Variants in VWCE observed in about 807,000 individuals in gnomAD.
VWCE encodes the protein von Willebrand factor C and EGF domain-containing protein.
VWCE carries 68 observed loss-of-function variants against 102.9 expected under a neutral mutation model. The observed-to-expected ratio is 0.66, with a 90% CI of 0.54 to 0.81. The LOEUF is 0.81. Ranked by LOEUF, VWCE falls within the 30% of genes least tolerant of loss-of-function variation. VWCE has a pLI of 0.00. For missense variants in VWCE, 1,137 were observed against 1,263.6 expected (o/e 0.90, Z 1.52); for synonymous variants, 497 against 515.4 (o/e 0.96, Z 0.48).
At chr11:61,287,907 G>A (rs959185758) in intron 4 of VWCE, among the ~76,000 whole-genome samples, 3 of 152,048 alleles carry the variant, frequency 2.0e-5, no homozygotes, top group Non-Finnish European at 4.4e-5. Flanking sequence ...TGTAATCCCA[G>A]CACTCTGGGA....
In VWCE at chr11:61,283,275, A is replaced by G. The variant is rs981808627; in HGVS notation, c.542-370T>C. Among the ~76,000 whole-genome samples the G allele has an allele frequency of 6.8e-4, 104 of 152,156 alleles. 1 individual carries two copies. Among genetic ancestry groups the G allele is most frequent in the African/African-American group, 2.3e-3 (96 of 41,436 alleles). On this transcript the variant is annotated intron_variant, in intron 5 of 19. Transcript: ENST00000335613. ...TGCTCAAAACCTCTCCGCTGCTCCC[A>G]CAGGCCACAGACCTCATCTTAGGGT...
intron 9 of VWCE, among the ~76,000 whole-genome samples, chr11:61,279,296 C>T (rs531113896): frequency 6.6e-6 from 1 of 151,988 alleles, no homozygotes; most frequent in Admixed American, 6.5e-5. Flanking sequence ...CAAGCCAGGC[C>T]CAGCGGCTCA....
intron 19 of VWCE, among the ~76,000 whole-genome samples, chr11:61,261,219 C>CA (rs550476012): frequency 0.072 from 8,818 of 121,668 alleles, 845 homozygotes; most frequent in African/African-American, 0.24. Context: ...GACTCCATCT[C>CA]AAAAAAAAAA....
Position 61,276,577 on chromosome 11 carries a change from C to T in VWCE, c.1495+16G>A. 6.6e-7 allele frequency: 1 copy of T among 1,519,954 alleles called. No individual in the cohort carries two copies. Among genetic ancestry groups the T allele is most frequent in the East Asian group, 2.4e-5 (1 of 42,098 alleles). 94.2% of individuals were successfully genotyped at this position (1,519,954 alleles called of 1,614,324 possible). ...AAAAAAAAAAAAAAGCAAAATGCTC[C>T]AAGAGTGTCACTTACCTGGAACACA... On this transcript the variant is annotated intron_variant, in intron 11 of 19. Coordinates refer to ENST00000335613, the MANE Select transcript of VWCE (RefSeq NM_152718.2).
rs1017600783 is a variant in VWCE, at chr11:61,282,486, G to A, written c.658+303C>T. On this transcript the variant is annotated intron_variant, in intron 6 of 19. Coordinates refer to ENST00000335613, the MANE Select transcript of VWCE (RefSeq NM_152718.2). ...TAACGTGCTTTATTTACCAAGGGGA[G>A]CAAAGGCAGCCAAGAAAATGGGTGA... 48 of 315,882 alleles carry A rather than the reference G, an allele frequency of 1.5e-4. 1 individual carries two copies. Among genetic ancestry groups the A allele is most frequent in the African/African-American group, 9.8e-4 (46 of 46,770 alleles). The allele number at this position is 315,882 out of a possible 1,614,324, so 19.6% of individuals were successfully genotyped here.
chr11:61,289,248 A>C (rs1308161656), intron 4 of VWCE, among the ~76,000 whole-genome samples: 2 of 151,766 alleles, frequency 1.3e-5, no homozygotes, highest in South Asian at 2.1e-4. Flanking sequence ...GCTAAAAAAA[A>C]ATTTTTTTTC....
chr11:61,278,565 C>A, intron 9 of VWCE, 89 bp from the exon 10 acceptor site: 1 of 1,237,472 alleles, frequency 8.1e-7, no homozygotes, highest in Non-Finnish European at 1.2e-6. Flanking sequence ...GCTTAATGTA[C>A]CTGGAACATT....
chr11:61,287,780 T>G (rs192323051), intron 4 of VWCE, among the ~76,000 whole-genome samples: 1 of 152,104 alleles, frequency 6.6e-6, no homozygotes, highest in African/African-American at 2.4e-5. Context: ...CTGGGCTCCT[T>G]GCAAACTGTA....
In VWCE at chr11:61,259,065, G is replaced by A. The variant is rs780330587; in HGVS notation, c.2478C>T (p.Leu826=). 2.7e-5 allele frequency: 43 copies of A among 1,613,884 alleles called. No homozygotes were observed. In the South Asian group the frequency reaches 3.7e-4, roughly 14 times the overall value. ...GGAAAGTGGCTGTCAGCCCCAAAGC[G>A]AGTGAGTGTGGACCATGAGCTCCTG... The part of the protein sequence containing the change: ...SPAGAHGPHS[L]ALGLTATFPG... The change falls in exon 20 of 20, where the codon CTC becomes CTT. Residue 826 remains leucine, a synonymous_variant. Transcript: ENST00000335613.
rs1176678430 is a variant in VWCE, at chr11:61,267,493, A to G, written c.1934T>C (p.Val645Ala). The G allele has an allele frequency of 6.2e-7, 1 of 1,614,148 alleles. No homozygotes were observed. The highest frequency in any genetic ancestry group is 1.7e-5 in the Admixed American group (1 of 60,012). Residue 645 changes from valine (V) to alanine (A), a missense_variant, in exon 16 of 20, where the codon GTG (valine) becomes GCG (alanine). Coordinates refer to ENST00000335613, the MANE Select transcript of VWCE (RefSeq NM_152718.2). ...IFYNNETFPS[V>A]LDPCLSCICL... ...GATGCAGCTCAGACATGGGTCCAGC[A>G]CAGACGGGAAGGTCTCGTTGTTATA...
chr11:61,286,384 G>T lies in VWCE; in HGVS notation c.471C>A (p.Asn157Lys), dbSNP rs560961021. The change falls in exon 5 of 20, where the codon AAC (asparagine) becomes AAA (lysine). Residue 157 changes from asparagine (N) to lysine (K), a missense_variant. Asn to Lys is a moderately conservative substitution (Grantham distance 94, BLOSUM62 0). Coordinates refer to ENST00000335613, the MANE Select transcript of VWCE (RefSeq NM_152718.2). ...VTSSCEGHCVNTEGGFVCECG... is the reference protein window; with the variant it reads ...VTSSCEGHCVKTEGGFVCECG... The stretch of plus-strand genomic sequence containing the variant: ...ACTCGCACACAAACCCACCTTCTGT[G>T]TTCACACAGTGGCCCTCGCAGGAGG... 7 of 1,612,934 alleles carry T rather than the reference G, an allele frequency of 4.3e-6. No homozygotes were observed. In the African/African-American group the frequency reaches 8.0e-5, roughly 18 times the overall value.
intron 11 of VWCE, 121 bp from the exon 12 acceptor site, chr11:61,274,705 A>G: frequency 1.4e-6 from 1 of 732,566 alleles, no homozygotes; most frequent in Non-Finnish European, 2.2e-6. Flanking sequence ...ACTCCACAGC[A>G]TGCTCCGTGC....
At chr11:61,268,564 GA>G (rs1854579994) in intron 15 of VWCE, among the ~76,000 whole-genome samples, 1 of 152,076 alleles carries the variant, frequency 6.6e-6, no homozygotes, top group Non-Finnish European at 1.5e-5. Context: ...AAAAAAATAA[GA>G]TAAATTTTCT....
chr11:61,277,105 A>C (rs954167044), intron 10 of VWCE, among the ~76,000 whole-genome samples: 1 of 138,170 alleles, frequency 7.2e-6, no homozygotes. Flanking sequence ...GAAACAGAGA[A>C]GTGAGAGAGA....
At chr11:61,283,076 C>T (rs997527434) in intron 5 of VWCE, among the ~76,000 whole-genome samples, 171 bp from the exon 6 acceptor site, 1 of 152,184 alleles carries the variant, frequency 6.6e-6, no homozygotes, top group African/African-American at 2.4e-5. Flanking sequence ...ACTCTCTGGA[C>T]CAGCCCACGT....
chr11:61,279,147 A>G (rs183552774), intron 9 of VWCE, among the ~76,000 whole-genome samples: 30 of 152,250 alleles, frequency 2.0e-4, no homozygotes, highest in Admixed American at 2.0e-4. Context: ...GATTGTCTTC[A>G]CTGCAAAATG....
chr11:61,287,105 A>G (rs1855359440), intron 4 of VWCE, among the ~76,000 whole-genome samples: 1 of 152,104 alleles, frequency 6.6e-6, no homozygotes, highest in Non-Finnish European at 1.5e-5. Context: ...TCAAGAAAGA[A>G]AAAAAAAGAA....
At position 61,294,802 on chromosome 11, in the gene VWCE, T is replaced by G; in HGVS notation, c.110+126A>C. 1 of 553,966 alleles carries G rather than the reference T, an allele frequency of 1.8e-6. No homozygotes were observed. The highest frequency in any genetic ancestry group is 2.8e-6 in the Non-Finnish European group (1 of 353,004). 34.3% of individuals were successfully genotyped at this position (553,966 alleles called of 1,614,324 possible). ...CGTCCCCGAGCTGTGCCCGCGCTGATAGCACCCCAGAGGAAGCCCCGACAC... is the reference window on the plus strand; with the variant it reads ...CGTCCCCGAGCTGTGCCCGCGCTGAGAGCACCCCAGAGGAAGCCCCGACAC... On this transcript the variant is annotated intron_variant, in intron 1 of 19. Transcript: ENST00000335613. This position sits in a 1 kb window ranked among gnomAD's most constrained non-coding sequence, Gnocchi z 6.3.
intron 1 of VWCE, among the ~76,000 whole-genome samples, chr11:61,291,963 T>G (rs191223663): frequency 2.0e-5 from 3 of 152,346 alleles, no homozygotes; most frequent in African/African-American, 4.8e-5. Flanking sequence ...GGCTCACGCC[T>G]GTAATCCCAG....
Sources: gnomAD v4.1 joint callset for allele counts (sites outside exome capture counted in the v4.1 genomes callset) on GRCh38, gnomAD v4.1.1 for gene constraint, Gnocchi (gnomAD v3.1) non-coding constraint, MANE v1.5 for transcripts, NCBI Gene and HGNC (gene_info 2026-07-23, HGNC 2026-07-21) for gene names.